LIMS1: variants seen among roughly 807,000 people sequenced by gnomAD.
LIMS1 encodes the protein LIM and senescent cell antigen-like-containing domain protein 1.
In LIMS1, 18 loss-of-function variants were observed where a neutral mutation model predicts 44.1. The observed-to-expected ratio is 0.41, with a 90% CI of 0.28 to 0.61. The LOEUF (loss-of-function observed/expected upper bound fraction) is 0.61. Ranked by LOEUF, LIMS1 falls within the 20% of genes least tolerant of loss-of-function variation. The probability of loss-of-function intolerance (pLI) is 0.32; values close to 1 mark genes in which losing one functional copy is unlikely to be tolerated. For synonymous variants in LIMS1, 93 were observed against 149.1 expected (o/e 0.62, Z 2.74); for missense variants, 201 against 422.0 (o/e 0.48, Z 4.59).
Position 108,668,162 on chromosome 2 carries a change from G to A in LIMS1, c.193-2619G>A, listed in dbSNP as rs186086742. ...TAAAAATCAAATCAGGGTATTTAACGTATCCATCACCTTGTACATTTATAA... is the reference window on the plus strand; with the variant it reads ...TAAAAATCAAATCAGGGTATTTAACATATCCATCACCTTGTACATTTATAA... On this transcript the variant is annotated intron_variant, in intron 2 of 9. Coordinates refer to ENST00000544547, the Ensembl canonical transcript of LIMS1. 1.8e-4 allele frequency among the ~76,000 whole-genome samples: 27 copies of A among 152,188 alleles called. 1 individual carries two copies. The highest frequency in any genetic ancestry group is 9.6e-5 in the African/African-American group (4 of 41,500).
intron 1 of LIMS1, among the ~76,000 whole-genome samples, chr2:108,538,622 G>A (rs931298062): frequency 1.3e-5 from 2 of 152,152 alleles, no homozygotes; most frequent in African/African-American, 4.8e-5. Context: ...TACAAGTAAT[G>A]TTTACACATA....
rs546206388 is a variant in LIMS1, at chr2:108,635,118, C to T, written c.33-24487C>T. ...ACTTGAACAATGAGTCCATGTGTGG[C>T]CTCTAGTTTACATAAATAAAGAATG... On this transcript the variant is annotated intron_variant, in intron 1 of 9. Coordinates refer to ENST00000544547, the Ensembl canonical transcript of LIMS1. Among the ~76,000 whole-genome samples, 6 of 152,220 alleles carry T rather than the reference C, an allele frequency of 3.9e-5. No homozygotes were observed. In the South Asian group the frequency reaches 8.3e-4, roughly 21 times the overall value.
chr2:108,554,777 G>A (rs1684867350), intron 1 of LIMS1, among the ~76,000 whole-genome samples: 1 of 152,168 alleles, frequency 6.6e-6, no homozygotes, highest in Non-Finnish European at 1.5e-5. Flanking sequence ...CTGGTCACTA[G>A]GGGAGGTGTG....
At chr2:108,673,707 T>C (rs763664565) in intron 5 of LIMS1, 1 of 152,264 alleles carries the variant, frequency 6.6e-6, no homozygotes, top group Non-Finnish European at 1.5e-5. Context: ...AATACTCTTA[T>C]TATGCCTAAG....
intron 1 of LIMS1, among the ~76,000 whole-genome samples, chr2:108,623,990 G>A (rs1688416480): frequency 6.6e-6 from 1 of 152,196 alleles, no homozygotes. Flanking sequence ...GGTAAAAGGT[G>A]GCATGACAAA....
At chr2:108,546,249 C>A (rs1684476360) in intron 1 of LIMS1, among the ~76,000 whole-genome samples, 2 of 146,854 alleles carry the variant, frequency 1.4e-5, no homozygotes, top group Admixed American at 1.4e-4. Context: ...GATTGTTTTC[C>A]CTTGCTCTCA....
At chr2:108,549,517 C>G (rs1684614237) in intron 1 of LIMS1, among the ~76,000 whole-genome samples, 1 of 151,536 alleles carries the variant, frequency 6.6e-6, no homozygotes, top group South Asian at 2.1e-4. Flanking sequence ...ATGGTAAGTA[C>G]AGTGTTTGCT....
intron 1 of LIMS1, among the ~76,000 whole-genome samples, chr2:108,593,661 A>G (rs1005593116): frequency 2.0e-4 from 30 of 152,354 alleles, no homozygotes; most frequent in African/African-American, 7.0e-4. Flanking sequence ...AGTATCATCC[A>G]TGGGGATGAT....
At position 108,534,413 on chromosome 2, in the gene LIMS1, C is replaced by T. The variant is rs532718770; in HGVS notation, c.-150C>T. Reference sequence around the variant, plus strand: ...GGCCCGCCTCGCCTTCCCCCCCCTCCCGCGCCCCCGCGCGGCCGGCCCCTG... The same window carrying T: ...GGCCCGCCTCGCCTTCCCCCCCCTCTCGCGCCCCCGCGCGGCCGGCCCCTG... On this transcript the variant is annotated 5_prime_UTR_variant, in exon 1 of 10. Coordinates refer to ENST00000544547, the Ensembl canonical transcript of LIMS1. 6.7e-5 allele frequency: 29 copies of T among 430,952 alleles called. No homozygotes were observed. The Admixed American group carries it at 1.2e-3, about 17-fold the overall frequency. The allele number at this position is 430,952 out of a possible 1,614,324, so 26.7% of individuals were successfully genotyped here. A position where few individuals can be genotyped will look rare whatever the true frequency, so the allele number is the denominator to read the frequency against.
Position 108,564,706 on chromosome 2 carries a change from A to G in LIMS1, c.32+30112A>G, listed in dbSNP as rs75319090. The stretch of plus-strand genomic sequence containing the variant: ...TGCTTGGCACGTCATACGATTTAGT[A>G]TACAATTAAGTTCCACAAGAATGTT... On this transcript the variant is annotated intron_variant, in intron 1 of 9. Transcript: ENST00000544547. 4.5e-4 allele frequency among the ~76,000 whole-genome samples: 68 copies of G among 152,298 alleles called. 2 individuals carry two copies. In the East Asian group the frequency reaches 0.011, roughly 25 times the overall value.
At chr2:108,621,384 A>C (rs1261814289) in intron 1 of LIMS1, 3 of 1,550,092 alleles carry the variant, frequency 1.9e-6, no homozygotes, top group Non-Finnish European at 2.6e-6. Context: ...AAGAGCTTTC[A>C]CATTCAGGTC....
intron 1 of LIMS1, among the ~76,000 whole-genome samples, chr2:108,616,462 C>T (rs934673931): frequency 3.3e-5 from 5 of 152,132 alleles, no homozygotes; most frequent in African/African-American, 9.7e-5. Flanking sequence ...CTGTTCACCT[C>T]GGCCTCCCAC....
intron 5 of LIMS1, 192 bp downstream of exon 5, chr2:108,673,221 C>A: frequency 1.2e-6 from 1 of 804,298 alleles, no homozygotes; most frequent in Non-Finnish European, 1.9e-6. Context: ...CACCAGTTGA[C>A]ATTTTGCCAT....
chr2:108,613,485 G>A (rs1687769395), intron 1 of LIMS1, among the ~76,000 whole-genome samples: 2 of 151,902 alleles, frequency 1.3e-5, no homozygotes, highest in Admixed American at 1.3e-4. Flanking sequence ...TGTCCAGTCT[G>A]CCCTTCTGCC....
At chr2:108,668,647 G>A (rs7597586) in intron 2 of LIMS1, among the ~76,000 whole-genome samples, 68,962 of 151,916 alleles carry the variant, frequency 0.45, 16,918 homozygotes, top group East Asian at 0.96. Flanking sequence ...AATCTTGGCT[G>A]TTGTGAATAG....
intron 1 of LIMS1, among the ~76,000 whole-genome samples, chr2:108,646,288 C>T (rs908976678): frequency 6.6e-6 from 1 of 152,168 alleles, no homozygotes; most frequent in Non-Finnish European, 1.5e-5. Flanking sequence ...GTCTCTCAGA[C>T]CACAGTGCAA....
intron 1 of LIMS1, among the ~76,000 whole-genome samples, chr2:108,587,979 G>A (rs1323239159): frequency 1.3e-5 from 2 of 152,320 alleles, no homozygotes; most frequent in East Asian, 3.9e-4. Context: ...GGCACATAAA[G>A]AAGCTCCGTT....
chr2:108,627,525 CAATT>C (rs984532313), intron 1 of LIMS1, among the ~76,000 whole-genome samples: 22 of 149,310 alleles, frequency 1.5e-4, no homozygotes, highest in South Asian at 2.2e-4. Flanking sequence ...TTTATTGTGA[CAATT>C]AAATCCCAAA....
At chr2:108,673,401 T>G (rs1692273197) in intron 5 of LIMS1, 1 of 312,370 alleles carries the variant, frequency 3.2e-6, no homozygotes, top group African/African-American at 2.2e-5. Context: ...TTTTTTGCCT[T>G]GAGACAGGGT....
Sources: allele counts gnomAD v4.1 joint callset (sites outside exome capture counted in the v4.1 genomes callset), GRCh38; gene constraint gnomAD v4.1.1; transcripts MANE v1.5; gene names NCBI Gene and HGNC (gene_info 2026-07-23, HGNC 2026-07-21).